The following AUTS2 variants were observed in gnomAD, a reference collection of about 807,000 sequenced individuals.
The protein encoded by AUTS2 is activator of transcription and developmental regulator AUTS2.
In AUTS2, 17 loss-of-function variants were observed where a neutral mutation model predicts 112.4. The observed-to-expected ratio is 0.15, with a 90% CI of 0.10 to 0.23. The LOEUF is 0.23. AUTS2 is among the 10% of genes least tolerant of loss of function. The probability of loss-of-function intolerance (pLI) is 1.00; values close to 1 mark genes in which losing one functional copy is unlikely to be tolerated. For missense variants in AUTS2, 1,510 were observed against 1,701.6 expected, an observed-to-expected ratio of 0.89 and a Z score of 1.98; for synonymous variants, 751 against 702.7, an observed-to-expected ratio of 1.07 and a Z score of -1.09.
chr7:69,628,448 T>C (rs890061524), intron 1 of AUTS2, among the ~76,000 whole-genome samples: 2 of 152,216 alleles, frequency 1.3e-5, no homozygotes, highest in African/African-American at 4.8e-5. Context: ...AGAGGAAGTT[T>C]ATAATAATGA....
At chr7:70,632,522 C>T (rs1241317675) in intron 5 of AUTS2, among the ~76,000 whole-genome samples, 1 of 151,708 alleles carries the variant, frequency 6.6e-6, no homozygotes, top group Non-Finnish European at 1.5e-5. Context: ...GGACTGCTGT[C>T]TGCAGGCACA....
chr7:70,247,417 A>ATG (rs1210250068), intron 4 of AUTS2, among the ~76,000 whole-genome samples: 3 of 152,178 alleles, frequency 2.0e-5, no homozygotes, highest in Non-Finnish European at 2.9e-5. Flanking sequence ...GTTTGGGAAG[A>ATG]TGAAAAAATT....
At chr7:69,821,941 T>G (rs1791018952) in intron 1 of AUTS2, among the ~76,000 whole-genome samples, 1 of 144,972 alleles carries the variant, frequency 6.9e-6, no homozygotes. Flanking sequence ...AAAAAAAGTC[T>G]AGTAAGTTTT....
intron 5 of AUTS2, among the ~76,000 whole-genome samples, chr7:70,488,719 C>G (rs890877627): frequency 1.3e-5 from 2 of 152,194 alleles, no homozygotes; most frequent in African/African-American, 4.8e-5. Flanking sequence ...ATTCTCATCT[C>G]TTTTCCTGGG....
At chr7:69,922,749 G>A (rs1381202277) in intron 2 of AUTS2, among the ~76,000 whole-genome samples, 36 of 152,118 alleles carry the variant, frequency 2.4e-4, no homozygotes, top group Non-Finnish European at 1.8e-4. Context: ...TTAGCATATG[G>A]CCTGGGTAAC....
chr7:70,355,977 T>A (rs940406927), intron 4 of AUTS2, among the ~76,000 whole-genome samples: 1 of 152,202 alleles, frequency 6.6e-6, no homozygotes, highest in Non-Finnish European at 1.5e-5. Context: ...TTGGTCTTAG[T>A]GGGGCTTTTT....
At chr7:69,875,767 C>A (rs756955860) in intron 1 of AUTS2, among the ~76,000 whole-genome samples, 1 of 152,198 alleles carries the variant, frequency 6.6e-6, no homozygotes, top group African/African-American at 2.4e-5. Context: ...CCCCAGGGCT[C>A]TGGAAATGGA....
rs186224423 is a variant in AUTS2, at chr7:70,461,585, A to G, written c.690+25804A>G. 3.9e-5 allele frequency among the ~76,000 whole-genome samples: 6 copies of G among 152,360 alleles called. No individual in the cohort carries two copies. In the East Asian group the frequency reaches 5.8e-4, roughly 15 times the overall value. ...GATAATGTTAATACTAGTAATGATC[A>G]TAGTAATCGCTAACATTGAGAAAGC... On this transcript the variant is annotated intron_variant, in intron 5 of 18. Transcript: ENST00000342771.
At chr7:70,146,257 T>C (rs1735681675) in intron 4 of AUTS2, among the ~76,000 whole-genome samples, 1 of 152,030 alleles carries the variant, frequency 6.6e-6, no homozygotes. Context: ...TTTAGTACTT[T>C]TAGTGGGGAA....
At chr7:69,931,063 T>C (rs1475496351) in intron 2 of AUTS2, among the ~76,000 whole-genome samples, 2 of 151,822 alleles carry the variant, frequency 1.3e-5, no homozygotes, top group Non-Finnish European at 1.5e-5. Context: ...TTTAGGGAGG[T>C]TTGTGCTTTT....
chr7:70,769,951 A>G (rs921083660), intron 10 of AUTS2, among the ~76,000 whole-genome samples: 31 of 152,164 alleles, frequency 2.0e-4, no homozygotes, highest in Admixed American at 1.6e-3. Flanking sequence ...AGTGGTAAGA[A>G]CATCCAGTTT....
chr7:70,580,002 A>T (rs1446862714), intron 5 of AUTS2, among the ~76,000 whole-genome samples: 3 of 152,066 alleles, frequency 2.0e-5, no homozygotes, highest in African/African-American at 7.2e-5. Flanking sequence ...AGCCTCTAAG[A>T]TGTCTTCGAG....
intron 1 of AUTS2, among the ~76,000 whole-genome samples, chr7:69,883,401 G>A (rs1182134958): frequency 6.6e-6 from 1 of 151,166 alleles, no homozygotes; most frequent in Admixed American, 6.6e-5. Context: ...CTGCTGAGAA[G>A]AAAACTGATT....
intron 1 of AUTS2, among the ~76,000 whole-genome samples, chr7:69,649,478 C>G (rs535127039): frequency 6.6e-6 from 1 of 152,248 alleles, no homozygotes; most frequent in African/African-American, 2.4e-5. Flanking sequence ...AGTTGTGCCT[C>G]CTTTGTTTGC....
At chr7:70,411,253 G>A (rs187052240) in intron 4 of AUTS2, among the ~76,000 whole-genome samples, 126 of 152,278 alleles carry the variant, frequency 8.3e-4, no homozygotes, top group Non-Finnish European at 1.4e-3. Context: ...ACGTGTACCT[G>A]TAAAAGAGCA....
intron 1 of AUTS2, among the ~76,000 whole-genome samples, chr7:69,796,355 C>CCAAA (rs1035310060): frequency 1.3e-5 from 2 of 152,014 alleles, no homozygotes; most frequent in Admixed American, 6.6e-5. Context: ...TCGTTCTCTA[C>CCAAA]CAAACAAACA....
At chr7:69,711,937 T>G (rs1798346732) in intron 1 of AUTS2, among the ~76,000 whole-genome samples, 1 of 152,200 alleles carries the variant, frequency 6.6e-6, no homozygotes, top group Non-Finnish European at 1.5e-5. Context: ...TAAGATTGAC[T>G]TTTAAAAATA....
intron 1 of AUTS2, among the ~76,000 whole-genome samples, chr7:69,752,066 C>T (rs573021044): frequency 5.3e-5 from 8 of 152,282 alleles, no homozygotes; most frequent in South Asian, 4.2e-4. Context: ...ATCCACCCCC[C>T]GCCCCACACC....
chr7:70,204,224 T>C (rs906164850), intron 4 of AUTS2, among the ~76,000 whole-genome samples: 1 of 152,170 alleles, frequency 6.6e-6, no homozygotes. Context: ...AAATACATTG[T>C]TGTATATCTT....
Sources: gnomAD v4.1 joint callset for allele counts (sites outside exome capture counted in the v4.1 genomes callset) on GRCh38, gnomAD v4.1.1 for gene constraint, MANE v1.5 for transcripts, NCBI Gene and HGNC (gene_info 2026-07-23, HGNC 2026-07-21) for gene names.